UNK: variants seen among roughly 807,000 people sequenced by gnomAD.
UNK encodes unk zinc finger, also known as RING finger protein unkempt homolog.
UNK carries 32 observed loss-of-function variants against 97.6 expected under a neutral mutation model. The ratio of observed to expected loss-of-function variants is 0.33; its 90% CI spans 0.25 to 0.44. The LOEUF (loss-of-function observed/expected upper bound fraction) is 0.44. UNK is among the 20% of genes least tolerant of loss of function. The pLI is 1.00. For missense variants in UNK, 771 were observed against 1,098.4 expected (o/e 0.70, Z 4.21); for synonymous variants, 441 against 461.2 (o/e 0.96, Z 0.56).
chr17:75,818,533 T>C lies in UNK; in HGVS notation c.1372-109T>C. Reference sequence around the variant, plus strand: ...CATGTGGGCATGGGGGCACCCGGACTAGAGCTAGCACGGGCCATTTCCCTT... The same window carrying C: ...CATGTGGGCATGGGGGCACCCGGACCAGAGCTAGCACGGGCCATTTCCCTT... On this transcript the variant is annotated intron_variant, in intron 10 of 15. Transcript: ENST00000589666. This position sits in a 1 kb window ranked among gnomAD's most constrained non-coding sequence, Gnocchi z 5.1. The C allele has an allele frequency of 7.6e-7, 1 of 1,308,372 alleles. No homozygotes were observed. Among genetic ancestry groups the C allele is most frequent in the Non-Finnish European group, 1.0e-6 (1 of 970,222 alleles). 81.0% of individuals were successfully genotyped at this position (1,308,372 alleles called of 1,614,324 possible).
chr17:75,805,362 T>C (rs2061902464), intron 1 of UNK, among the ~76,000 whole-genome samples: 1 of 134,098 alleles, frequency 7.5e-6, no homozygotes, highest in Non-Finnish European at 1.5e-5. Context: ...GCCACTGCAC[T>C]CCAGCCTGGG....
At chr17:75,822,423 AGGGCCTGG>A in intron 13 of UNK, 46 bp from the exon 14 acceptor site, 3 of 1,547,482 alleles carry the variant, frequency 1.9e-6, no homozygotes, top group Non-Finnish European at 2.6e-6. Context: ...AGGGCTGGCC[AGGGCCTGG>A]GCCCAAAGCC....
In UNK at chr17:75,817,614, G is replaced by C; in HGVS notation, c.1305+88G>C. On this transcript the variant is annotated intron_variant, in intron 9 of 15. Coordinates refer to ENST00000589666, the MANE Select transcript of UNK (RefSeq NM_001080419.3). The surrounding 1 kb of genome is among the most constrained non-coding windows in gnomAD (Gnocchi z 5.8). ...GAGGAGTGTCTTGGTCCAGCTACGG[G>C]GAGGATGACTGGGAGCTAGGACTCC... The C allele has an allele frequency of 7.2e-7, 1 of 1,383,240 alleles. No homozygotes were observed. The highest frequency in any genetic ancestry group is 9.8e-7 in the Non-Finnish European group (1 of 1,023,306). 85.7% of individuals were successfully genotyped at this position (1,383,240 alleles called of 1,614,324 possible).
chr17:75,818,219 C>T lies in UNK; in HGVS notation c.1371+51C>T. 1 of 1,602,436 alleles carries T rather than the reference C, an allele frequency of 6.2e-7. No individual in the cohort carries two copies. Among genetic ancestry groups the T allele is most frequent in the Non-Finnish European group, 8.5e-7 (1 of 1,171,570 alleles). On this transcript the variant is annotated intron_variant, in intron 10 of 15. Coordinates refer to ENST00000589666, the MANE Select transcript of UNK (RefSeq NM_001080419.3). The surrounding 1 kb of genome is among the most constrained non-coding windows in gnomAD (Gnocchi z 5.1). ...CCCCTCTGCTGTGGACAGGAGTGGCCCAGAACCCCAGGAGGCTTCGGGGAG... is the reference window on the plus strand; with the variant it reads ...CCCCTCTGCTGTGGACAGGAGTGGCTCAGAACCCCAGGAGGCTTCGGGGAG...
chr17:75,799,377 G>A (rs898085809), intron 1 of UNK, among the ~76,000 whole-genome samples: 3 of 152,168 alleles, frequency 2.0e-5, no homozygotes, highest in Non-Finnish European at 2.9e-5. Flanking sequence ...GCCAGCAACC[G>A]ACTCTGTGTG....
chr17:75,818,155 T>C lies in UNK; in HGVS notation c.1358T>C (p.Leu453Pro), dbSNP rs1455120929. The change falls in exon 10 of 16, where the codon CTT becomes CCT. Residue 453 changes from leucine to proline, a missense_variant. Leu to Pro is a moderately conservative substitution (Grantham distance 98). Transcript: ENST00000589666. The surrounding 1 kb of genome is among the most constrained non-coding windows in gnomAD (Gnocchi z 5.1). ...CCCAGGAGTCAAGAGCAGCCTCTGCTTCAGCCCAAACAGGTATAGAGCTCT... is the reference window on the plus strand; with the variant it reads ...CCCAGGAGTCAAGAGCAGCCTCTGCCTCAGCCCAAACAGGTATAGAGCTCT... ...LEPRSQEQPLLQPKQDMLGIL... is the reference protein window; with the variant it reads ...LEPRSQEQPLPQPKQDMLGIL... 1 of 1,613,550 alleles carries C rather than the reference T, an allele frequency of 6.2e-7. No individual in the cohort carries two copies. The highest frequency in any genetic ancestry group is 1.1e-5 in the South Asian group (1 of 91,078).
rs561355053 is a variant in UNK at position 75,823,428 on chromosome 17, C to A, written c.2183C>A (p.Ala728Asp). 2.8e-4 allele frequency: 439 copies of A among 1,593,660 alleles called. 1 individual carries two copies. Among genetic ancestry groups the A allele is most frequent in the Admixed American group, 4.7e-4 (27 of 57,216 alleles). ...CTACACGCGGGGCCTGAGCCCCAGG[C>A]CCTGCCCGCCTTCTCCGACCTGGAG... ...ERLHAGPEPQALPAFSDLEAL... is the reference protein window; with the variant it reads ...ERLHAGPEPQDLPAFSDLEAL... The change falls in exon 15 of 16, where the codon GCC (alanine) becomes GAC (aspartate). Residue 728 changes from alanine (A) to aspartate (D), a missense_variant. This residue lies in a region of UNK where 208 missense variants were observed against 257.4 expected (regional missense o/e 0.81). Coordinates refer to ENST00000589666, the MANE Select transcript of UNK (RefSeq NM_001080419.3).
At chr17:75,810,094 G>C (rs912081025) in intron 2 of UNK, 125 bp downstream of exon 2, 4 of 1,181,650 alleles carry the variant, frequency 3.4e-6, no homozygotes, top group Non-Finnish European at 4.7e-6. Context: ...CCCATGGCCC[G>C]AGCCTGGACT....
At chr17:75,788,133 G>C (rs12600868) in intron 1 of UNK, among the ~76,000 whole-genome samples, 1 of 151,790 alleles carries the variant, frequency 6.6e-6, no homozygotes, top group Non-Finnish European at 1.5e-5. Context: ...TTTGAATACA[G>C]AGATAGACCC....
chr17:75,805,888 A>C (rs1241243090), intron 1 of UNK, among the ~76,000 whole-genome samples: 1 of 151,940 alleles, frequency 6.6e-6, no homozygotes, highest in African/African-American at 2.4e-5. Context: ...TTAACAATGA[A>C]CATTTGTAAT....
chr17:75,805,970 G>A (rs1371412380), intron 1 of UNK, among the ~76,000 whole-genome samples: 4 of 151,988 alleles, frequency 2.6e-5, no homozygotes, highest in Non-Finnish European at 4.4e-5. Context: ...AAGTCCGCTG[G>A]GCGTGGTGGC....
intron 1 of UNK, among the ~76,000 whole-genome samples, chr17:75,796,320 CTTTTTTTT>C (rs67667491): frequency 2.2e-5 from 3 of 137,370 alleles, no homozygotes; most frequent in Non-Finnish European, 4.8e-5. Flanking sequence ...ATATTTAAAG[CTTTTTTTT>C]TTTTTTTTGA....
In UNK at chr17:75,803,134, C is replaced by T. The variant is rs376072337; in HGVS notation, c.105-6626C>T. Reference sequence around the variant, plus strand: ...AAATTACAGGCCGGACGCGGTGGCTCACACCTGTAATCCCAGCACTTTGGG... The same window carrying T: ...AAATTACAGGCCGGACGCGGTGGCTTACACCTGTAATCCCAGCACTTTGGG... On this transcript the variant is annotated intron_variant, in intron 1 of 15. Transcript: ENST00000589666. Among the ~76,000 whole-genome samples, 151 of 137,198 alleles carry T rather than the reference C, an allele frequency of 1.1e-3. 1 individual carries two copies. Among genetic ancestry groups the T allele is most frequent in the Middle Eastern group, 3.7e-3 (1 of 272 alleles). 90.0% of individuals were successfully genotyped at this position (137,198 alleles called of 152,430 possible). A position where few individuals can be genotyped will look rare whatever the true frequency, so the allele number is the denominator to read the frequency against.
chr17:75,792,667 G>T (rs2061772334), intron 1 of UNK: 1 of 187,708 alleles, frequency 5.3e-6, no homozygotes, highest in Non-Finnish European at 9.9e-6. Context: ...AGAGGTATCT[G>T]TGGAGAAAGT....
At chr17:75,787,945 A>C (rs1293848975) in intron 1 of UNK, among the ~76,000 whole-genome samples, 1 of 151,546 alleles carries the variant, frequency 6.6e-6, no homozygotes, top group African/African-American at 2.4e-5. Context: ...ATACCACCAT[A>C]CCTGCTTCCC....
chr17:75,814,449 A>T (rs1326885914), intron 6 of UNK, among the ~76,000 whole-genome samples: 1 of 134,796 alleles, frequency 7.4e-6, no homozygotes, highest in African/African-American at 2.8e-5. Context: ...CCAAGATCGC[A>T]CCACTGCACT....
Position 75,819,270 on chromosome 17 carries a change from G to A in UNK, c.1547-414G>A, listed in dbSNP as rs1026433780. The A allele has an allele frequency of 4.1e-6, 1 of 246,572 alleles. No homozygotes were observed. The highest frequency in any genetic ancestry group is 7.8e-6 in the Non-Finnish European group (1 of 128,414). The allele number at this position is 246,572 out of a possible 1,614,324, so 15.3% of individuals were successfully genotyped here. ...GACAACATGCTGCTCCTGCCCTCTA[G>A]AGGGAAACTTCCCACCCAGTGGACA... is the stretch of plus-strand genomic sequence containing the variant. On this transcript the variant is annotated intron_variant, in intron 11 of 15. Coordinates refer to ENST00000589666, the MANE Select transcript of UNK (RefSeq NM_001080419.3). This position sits in a 1 kb window ranked among gnomAD's most constrained non-coding sequence, Gnocchi z 5.4.
intron 1 of UNK, among the ~76,000 whole-genome samples, chr17:75,798,322 G>C (rs1394263415): frequency 6.6e-6 from 1 of 151,920 alleles, no homozygotes; most frequent in Non-Finnish European, 1.5e-5. Flanking sequence ...CCCCACCTCA[G>C]CCTCCCAAAG....
Position 75,824,397 on chromosome 17 carries a change from G to T in UNK, c.2413G>T (p.Ala805Ser). 1.3e-6 allele frequency: 2 copies of T among 1,557,172 alleles called. No individual in the cohort carries two copies. Among genetic ancestry groups the T allele is most frequent in the South Asian group, 2.3e-5 (2 of 86,596 alleles). Reference sequence around the variant, plus strand: ...GTGCCCCATCTGCCAGCCTGGCCGGGCCCACACCCTCCAGTCGTGACCCTG... The same window carrying T: ...GTGCCCCATCTGCCAGCCTGGCCGGTCCCACACCCTCCAGTCGTGACCCTG... ...SECPICQPGR[A>S]HTLQS is the part of the protein sequence containing the mutation. Residue 805 changes from alanine (A) to serine (S), a missense_variant, in exon 16 of 16, where the codon GCC becomes TCC. Physicochemically the swap from Ala to Ser is moderately conservative, Grantham distance 99. Transcript: ENST00000589666. The surrounding 1 kb of genome is among the most constrained non-coding windows in gnomAD (Gnocchi z 4.9).
Sources: gnomAD v4.1 joint callset for allele counts (sites outside exome capture counted in the v4.1 genomes callset) on GRCh38, gnomAD v4.1.1 for gene constraint, gnomAD v4.1.1 regional missense constraint, Gnocchi (gnomAD v3.1) non-coding constraint, MANE v1.5 for transcripts, NCBI Gene and HGNC (gene_info 2026-07-23, HGNC 2026-07-21) for gene names.